The following NR6A1 variants were observed in gnomAD, a reference collection of about 807,000 sequenced individuals.
NR6A1 encodes nuclear receptor subfamily 6 group A member 1.
NR6A1 carries 7 observed loss-of-function variants against 59.1 expected under a neutral mutation model. That is an observed-to-expected ratio of 0.12 (90% CI 0.07 to 0.22). The LOEUF (loss-of-function observed/expected upper bound fraction) is 0.22. NR6A1 is among the 10% of genes least tolerant of loss of function. The pLI is 1.00. For synonymous variants in NR6A1, 243 were observed against 236.1 expected (o/e 1.03, Z -0.27); for missense variants, 468 against 611.6 (o/e 0.77, Z 2.48).
intron 2 of NR6A1, among the ~76,000 whole-genome samples, chr9:124,597,990 C>G (rs1245079304): frequency 6.6e-6 from 1 of 152,128 alleles, no homozygotes; most frequent in African/African-American, 2.4e-5. Context: ...CAGGGGACTA[C>G]AGGCACGCAC....
intron 8 of NR6A1, among the ~76,000 whole-genome samples, chr9:124,526,290 G>GTGTGTA (rs1365717351): frequency 3.6e-5 from 4 of 110,290 alleles, no homozygotes; most frequent in Admixed American, 1.7e-4. Context: ...ATGTGTGTAT[G>GTGTGTA]TGTGTGTGTG....
At chr9:124,559,783 A>AAAT (rs765584575) in intron 2 of NR6A1, among the ~76,000 whole-genome samples, 32 of 152,008 alleles carry the variant, frequency 2.1e-4, no homozygotes, top group Non-Finnish European at 4.0e-4. Flanking sequence ...TCAAAAAAGA[A>AAAT]AATAATAATA....
Position 124,650,415 on chromosome 9 carries a change from G to C in NR6A1, c.142+82893C>G, listed in dbSNP as rs183750719. Among the ~76,000 whole-genome samples the C allele has an allele frequency of 8.9e-4, 135 of 152,264 alleles. 1 individual carries two copies. The highest frequency in any genetic ancestry group is 2.9e-3 in the African/African-American group (119 of 41,540). ...ATCTCATGGAAGTAATGAATAGAAT[G>C]GTGATCACCAGAGGCTGGGAAGGGT... is the stretch of plus-strand genomic sequence containing the variant. On this transcript the variant is annotated intron_variant, in intron 2 of 9. Coordinates refer to ENST00000487099, the MANE Select transcript of NR6A1 (RefSeq NM_033334.4).
At chr9:124,533,917 G>A in intron 7 of NR6A1, among the ~76,000 whole-genome samples, 1 of 151,412 alleles carries the variant, frequency 6.6e-6, no homozygotes, top group Admixed American at 6.6e-5. Context: ...TCAAAGTGAT[G>A]GGATTACAGG....
intron 7 of NR6A1, among the ~76,000 whole-genome samples, chr9:124,528,585 C>T (rs1171059386): frequency 6.6e-6 from 1 of 151,732 alleles, no homozygotes; most frequent in Non-Finnish European, 1.5e-5. Flanking sequence ...CCTGTGGACC[C>T]AGCTACTCGG....
At chr9:124,552,923 A>G (rs1833818006) in intron 3 of NR6A1, among the ~76,000 whole-genome samples, 1 of 152,194 alleles carries the variant, frequency 6.6e-6, no homozygotes, top group African/African-American at 2.4e-5. Flanking sequence ...CAGTCTGAGT[A>G]TATCTGGATG....
intron 2 of NR6A1, among the ~76,000 whole-genome samples, chr9:124,676,747 G>T (rs998486898): frequency 5.3e-5 from 8 of 152,168 alleles, no homozygotes; most frequent in African/African-American, 1.7e-4. Flanking sequence ...TAAGTATCCA[G>T]ATCCTCAGTA....
intron 2 of NR6A1, among the ~76,000 whole-genome samples, chr9:124,594,122 A>G (rs1381309986): frequency 6.8e-6 from 1 of 147,842 alleles, no homozygotes; most frequent in African/African-American, 2.5e-5. Flanking sequence ...CTCTTTTGTA[A>G]GCAGTTGATT....
chr9:124,597,956 G>A (rs1048639804), intron 2 of NR6A1, among the ~76,000 whole-genome samples: 2 of 152,120 alleles, frequency 1.3e-5, no homozygotes, highest in African/African-American at 4.8e-5. Context: ...CCTCCCGCAT[G>A]AGCCTCCCAC....
intron 2 of NR6A1, 99 bp downstream of exon 2, chr9:124,733,208 TA>T (rs1839931869): frequency 1.2e-6 from 1 of 844,584 alleles, no homozygotes; most frequent in South Asian, 1.5e-5. Context: ...TGAGAGTCAA[TA>T]AAGTAAGGCT....
At chr9:124,762,602 C>A (rs1419227484) in intron 1 of NR6A1, among the ~76,000 whole-genome samples, 1 of 152,166 alleles carries the variant, frequency 6.6e-6, no homozygotes, top group African/African-American at 2.4e-5. Context: ...GTGGTACTTT[C>A]TTAAAGGTTA....
chr9:124,630,294 C>T (rs1318032898), intron 2 of NR6A1, among the ~76,000 whole-genome samples: 1 of 145,986 alleles, frequency 6.8e-6, no homozygotes, highest in African/African-American at 2.6e-5. Context: ...TGGCTCACTG[C>T]AACCTCTGCC....
At chr9:124,616,866 G>C (rs998694327) in intron 2 of NR6A1, among the ~76,000 whole-genome samples, 5 of 152,118 alleles carry the variant, frequency 3.3e-5, no homozygotes, top group Admixed American at 3.3e-4. Context: ...TTGAAGAAAT[G>C]GGTATGCTCA....
chr9:124,602,898 C>T (rs1835483864), intron 2 of NR6A1, among the ~76,000 whole-genome samples: 2 of 152,330 alleles, frequency 1.3e-5, no homozygotes, highest in African/African-American at 4.8e-5. Flanking sequence ...GTACCCATTA[C>T]TCCAGCCATG....
At chr9:124,762,862 C>T (rs1432008382) in intron 1 of NR6A1, among the ~76,000 whole-genome samples, 1 of 152,200 alleles carries the variant, frequency 6.6e-6, no homozygotes, top group Non-Finnish European at 1.5e-5. Flanking sequence ...CATTGGGAAG[C>T]TGTCAAGCTC....
chr9:124,635,996 C>T (rs750618566), intron 2 of NR6A1, among the ~76,000 whole-genome samples: 7 of 152,174 alleles, frequency 4.6e-5, no homozygotes, highest in Non-Finnish European at 8.8e-5. Context: ...AAGTTCTTGC[C>T]CTTCCACATC....
At chr9:124,548,844 C>T (rs2131373761) in intron 3 of NR6A1, among the ~76,000 whole-genome samples, 1 of 152,262 alleles carries the variant, frequency 6.6e-6, no homozygotes, top group South Asian at 2.1e-4. Flanking sequence ...ACATGACACC[C>T]ACCCCCACCA....
chr9:124,753,511 A>G (rs1840560785), intron 1 of NR6A1, among the ~76,000 whole-genome samples: 1 of 152,232 alleles, frequency 6.6e-6, no homozygotes, highest in Non-Finnish European at 1.5e-5. Context: ...GAAGATTTAA[A>G]AATACTGGTT....
intron 2 of NR6A1, among the ~76,000 whole-genome samples, chr9:124,604,895 C>T (rs1266697679): frequency 6.6e-6 from 1 of 151,978 alleles, no homozygotes; most frequent in Admixed American, 6.6e-5. Context: ...ATGAATTATA[C>T]CACAGGGTAA....
Sources: allele counts gnomAD v4.1 joint callset (sites outside exome capture counted in the v4.1 genomes callset), GRCh38; gene constraint gnomAD v4.1.1; transcripts MANE v1.5; gene names NCBI Gene and HGNC (gene_info 2026-07-23, HGNC 2026-07-21).